The following MYH16 variants were observed in gnomAD, a reference collection of about 807,000 sequenced individuals.
The protein encoded by MYH16 is myosin heavy chain 16.
intron 20 of MYH16, among the ~76,000 whole-genome samples, chr7:99,273,685 G>A (rs1220715240): frequency 6.6e-6 from 1 of 152,020 alleles, no homozygotes; most frequent in Non-Finnish European, 1.5e-5. Context: ...CTTGAGGCCA[G>A]GAGTTTGAGA....
chr7:99,296,809 C>A (rs538846864), exon 34 of MYH16: 74 of 456,748 alleles, frequency 1.6e-4, no homozygotes, highest in African/African-American at 1.4e-3. Flanking sequence ...GGACAGCTCG[C>A]AGAAGGAGTG....
At position 99,289,284 on chromosome 7, in the gene MYH16, C is replaced by G. The variant is rs1295104638; in HGVS notation, n.3707-3C>G. The G allele has an allele frequency of 4.9e-6, 2 of 410,406 alleles. No individual in the cohort carries two copies. Among genetic ancestry groups the G allele is most frequent in the Non-Finnish European group, 9.9e-6 (2 of 202,814 alleles). The allele number at this position is 410,406 out of a possible 1,614,324, so 25.4% of individuals were successfully genotyped here. A position where few individuals can be genotyped will look rare whatever the true frequency, so the allele number is the denominator to read the frequency against. On this transcript the variant is annotated splice_polypyrimidine_tract_variant and splice_region_variant and intron_variant and non_coding_transcript_variant, in intron 29 of 41. Transcript: ENST00000439784. ...CCCCACTGAGTTCATCCTTCCTGAGCAGATGAACGCCGAGGCCCACGTCAG... is the reference window on the plus strand; with the variant it reads ...CCCCACTGAGTTCATCCTTCCTGAGGAGATGAACGCCGAGGCCCACGTCAG...
chr7:99,261,461 G>C (rs1791936310), exon 13 of MYH16: 1 of 154,018 alleles, frequency 6.5e-6, no homozygotes, highest in Admixed American at 6.5e-5. Context: ...CAGCCCATGG[G>C]CATCTTCTCC....
chr7:99,253,510 T>C lies in MYH16; in HGVS notation n.794-217T>C, dbSNP rs550446847. 89 of 152,250 alleles carry C rather than the reference T, an allele frequency of 5.8e-4. 1 individual carries two copies. Among genetic ancestry groups the C allele is most frequent in the African/African-American group, 1.8e-3 (76 of 41,540 alleles). 9.4% of individuals were successfully genotyped at this position (152,250 alleles called of 1,614,324 possible). ...CAAGCCAAGTGGGAGGTCCTTCTGA[T>C]TGCAGCCTGTTGGTGCCCAGGAGGC... On this transcript the variant is annotated intron_variant and non_coding_transcript_variant, in intron 7 of 41. Transcript: ENST00000439784.
chr7:99,240,726 G>C (rs768646244), intron 1 of MYH16, among the ~76,000 whole-genome samples: 2 of 151,910 alleles, frequency 1.3e-5, no homozygotes, highest in Non-Finnish European at 2.9e-5. Context: ...TGTACTCCCA[G>C]TTACTTAGGA....
At chr7:99,296,626 G>A (rs985974962) in intron 33 of MYH16, 75 bp from the exon 15 acceptor site, 17 of 438,418 alleles carry the variant, frequency 3.9e-5, no homozygotes, top group African/African-American at 6.1e-5. Flanking sequence ...GGGAAGAGAG[G>A]TTGGTGGGGG....
chr7:99,277,717 G>C lies in MYH16; in HGVS notation n.2659+5G>C. On this transcript the variant is annotated splice_donor_5th_base_variant and intron_variant and non_coding_transcript_variant, in intron 21 of 41. Coordinates refer to ENST00000439784, the Ensembl canonical transcript of MYH16. ...CTCACCATCCAGCTGCAGGCTGTAC[G>C]TGGGGTCCCCAGGGAGAAGGGTGGG... is the stretch of plus-strand genomic sequence containing the variant. 2.2e-6 allele frequency: 1 copy of C among 454,786 alleles called. No homozygotes were observed. The highest frequency in any genetic ancestry group is 1.6e-5 in the South Asian group (1 of 64,286). 28.2% of individuals were successfully genotyped at this position (454,786 alleles called of 1,614,324 possible). A position where few individuals can be genotyped will look rare whatever the true frequency, so the allele number is the denominator to read the frequency against.
At chr7:99,291,844 A>T (rs2150828343) in intron 31 of MYH16, among the ~76,000 whole-genome samples, 1 of 152,146 alleles carries the variant, frequency 6.6e-6, no homozygotes. Flanking sequence ...CTATAATCCC[A>T]GCTACTTGGG....
intron 41 of MYH16, among the ~76,000 whole-genome samples, 182 bp from the exon 23 acceptor site, chr7:99,306,427 T>C (rs2150840582): frequency 6.6e-6 from 1 of 152,146 alleles, no homozygotes; most frequent in South Asian, 2.1e-4. Flanking sequence ...CTTGGGAGGC[T>C]AAGGCAGGAG....
chr7:99,281,964 T>C (rs538221167), intron 23 of MYH16, among the ~76,000 whole-genome samples: 5 of 152,366 alleles, frequency 3.3e-5, no homozygotes, highest in African/African-American at 1.2e-4. Context: ...TTTTCAAGCA[T>C]ATCAGACCCA....
intron 6 of MYH16, chr7:99,252,555 A>G (rs1791823108): frequency 6.6e-6 from 1 of 152,276 alleles, no homozygotes; most frequent in Admixed American, 6.5e-5. Flanking sequence ...CCTGGTCTCT[A>G]TGCAGAATTC....
At chr7:99,246,240 GAGAA>G (rs1369880404) in intron 2 of MYH16, among the ~76,000 whole-genome samples, 3 of 149,684 alleles carry the variant, frequency 2.0e-5, no homozygotes, top group Non-Finnish European at 4.4e-5. Context: ...AAAAAAAAAA[GAGAA>G]AGAAAGAAAA....
intron 35 of MYH16, 41 bp from the exon 17 acceptor site, chr7:99,297,851 A>G (rs1326542840): frequency 4.4e-6 from 2 of 456,612 alleles, no homozygotes; most frequent in East Asian, 1.4e-4. Context: ...GGCACTGCAC[A>G]TCTTCTTGGC....
intron 22 of MYH16, among the ~76,000 whole-genome samples, chr7:99,279,955 T>TC (rs1321733700): frequency 1.3e-5 from 2 of 151,998 alleles, no homozygotes; most frequent in Non-Finnish European, 2.9e-5. Flanking sequence ...CACTGCAACC[T>TC]CCCCCTCCCG....
chr7:99,275,883 A>G (rs1187930786), intron 20 of MYH16, among the ~76,000 whole-genome samples: 1 of 152,142 alleles, frequency 6.6e-6, no homozygotes, highest in Non-Finnish European at 1.5e-5. Flanking sequence ...GGCGCCTGCC[A>G]CCACGCCTAA....
rs78845806 is a variant in MYH16 at position 99,256,264 on chromosome 7, T to G, written n.996+579T>G. Reference sequence around the variant, plus strand: ...GACCAGCCTAGGCAACATACTAAGATCCCGTCTCTGCAAAAAAAAAAAAAA... The same window carrying G: ...GACCAGCCTAGGCAACATACTAAGAGCCCGTCTCTGCAAAAAAAAAAAAAA... On this transcript the variant is annotated intron_variant and non_coding_transcript_variant, in intron 9 of 41. Transcript: ENST00000439784. 7.8e-3 allele frequency among the ~76,000 whole-genome samples: 705 copies of G among 90,960 alleles called. 6 individuals are homozygous for G. The highest frequency in any genetic ancestry group is 0.032 in the African/African-American group (660 of 20,620). The allele number at this position is 90,960 out of a possible 152,430, so 59.7% of individuals were successfully genotyped here.
intron 40 of MYH16, 93 bp downstream of exon 21, chr7:99,304,849 T>C (rs1327383851): frequency 2.0e-5 from 3 of 152,462 alleles, no homozygotes; most frequent in Admixed American, 6.6e-5. Flanking sequence ...GCCAAAAACA[T>C]GTCCTGCATT....
chr7:99,268,205 G>A (rs760321859), intron 18 of MYH16, among the ~76,000 whole-genome samples: 2 of 152,218 alleles, frequency 1.3e-5, no homozygotes, highest in Non-Finnish European at 2.9e-5. Flanking sequence ...CAATTAAGAT[G>A]TGCTGTAAAT....
chr7:99,273,213 G>A (rs1020350143), intron 19 of MYH16, 129 bp from the exon 2 acceptor site: 36 of 405,814 alleles, frequency 8.9e-5, no homozygotes, highest in Non-Finnish European at 1.3e-4. Context: ...GCTGGGTCTC[G>A]AGAAGGCACT....
Sources: allele counts gnomAD v4.1 joint callset (sites outside exome capture counted in the v4.1 genomes callset), GRCh38; gene constraint gnomAD v4.1.1; transcripts MANE v1.5; gene names NCBI Gene and HGNC (gene_info 2026-07-23, HGNC 2026-07-21).